GLI2: variants seen among roughly 807,000 people sequenced by gnomAD.
The protein encoded by GLI2 is transcription activator GLI2.
Under a neutral mutation model 78.9 loss-of-function variants are expected in GLI2, and 22 were observed. That is an observed-to-expected ratio of 0.28 (90% CI 0.20 to 0.40). GLI2 has a LOEUF of 0.40. Ranked by LOEUF, GLI2 falls within the 10% of genes least tolerant of loss-of-function variation. The pLI, the probability that GLI2 is intolerant of heterozygous loss-of-function variation, is 1.00. For synonymous variants in GLI2, 974 were observed against 963.7 expected, an observed-to-expected ratio of 1.01 and a Z score of -0.20; for missense variants, 2,097 against 2,213.2, an observed-to-expected ratio of 0.95 and a Z score of 1.05.
At chr2:120,853,880 G>A (rs1373755931) in intron 2 of GLI2, among the ~76,000 whole-genome samples, 3 of 152,098 alleles carry the variant, frequency 2.0e-5, no homozygotes, top group South Asian at 2.1e-4. Context: ...GCATTTGCAC[G>A]GTGGTGGTAG....
intron 2 of GLI2, among the ~76,000 whole-genome samples, chr2:120,810,386 G>A (rs1307776488): frequency 1.3e-5 from 2 of 152,218 alleles, no homozygotes; most frequent in South Asian, 2.1e-4. Flanking sequence ...ACCAGCTTTG[G>A]CATGGTGTGG....
intron 2 of GLI2, among the ~76,000 whole-genome samples, chr2:120,858,109 G>A (rs193043663): frequency 3.3e-5 from 5 of 152,326 alleles, no homozygotes; most frequent in East Asian, 3.9e-4. Context: ...CACCTGCTGA[G>A]TGCTCAGGGG....
intron 1 of GLI2, among the ~76,000 whole-genome samples, chr2:120,784,546 A>G (rs1448299503): frequency 6.6e-6 from 1 of 152,012 alleles, no homozygotes; most frequent in Admixed American, 6.5e-5. Flanking sequence ...GGGCCCAGAT[A>G]AGGAGTTTGA....
chr2:120,895,996 G>A (rs904494933), intron 2 of GLI2, among the ~76,000 whole-genome samples: 1 of 152,180 alleles, frequency 6.6e-6, no homozygotes, highest in African/African-American at 2.4e-5. Context: ...CATTTTATGG[G>A]TGAGGAAACT....
At chr2:120,961,933 A>G (rs1007234996) in intron 5 of GLI2, among the ~76,000 whole-genome samples, 6 of 152,114 alleles carry the variant, frequency 3.9e-5, no homozygotes, top group Non-Finnish European at 8.8e-5. Flanking sequence ...TGAGGATGGC[A>G]TCTGGCACAG....
chr2:120,914,801 C>T (rs1679012053), intron 2 of GLI2, among the ~76,000 whole-genome samples: 1 of 152,228 alleles, frequency 6.6e-6, no homozygotes, highest in Non-Finnish European at 1.5e-5. Flanking sequence ...GGGTCCTGTC[C>T]CTATCCTCAT....
intron 1 of GLI2, among the ~76,000 whole-genome samples, chr2:120,743,090 G>C (rs1682597300): frequency 6.6e-6 from 1 of 152,156 alleles, no homozygotes; most frequent in African/African-American, 2.4e-5. Context: ...GGGGAAAGAA[G>C]ACTTACCAAG....
chr2:120,945,954 T>TTC (rs1173639832), intron 3 of GLI2, among the ~76,000 whole-genome samples: 230 of 33,622 alleles, frequency 6.8e-3, no homozygotes, highest in African/African-American at 0.018. Flanking sequence ...AGGCATAACC[T>TTC]TCTCACACAC....
chr2:120,982,691 G>C (rs1182965097), intron 10 of GLI2, 25 bp from the exon 11 acceptor site: 1 of 1,598,014 alleles, frequency 6.3e-7, no homozygotes, highest in Non-Finnish European at 8.6e-7. Flanking sequence ...GGGGTGCCTT[G>C]ACTGACTGAA....
intron 2 of GLI2, among the ~76,000 whole-genome samples, chr2:120,832,228 G>A (rs1269893105): frequency 1.3e-5 from 2 of 152,206 alleles, no homozygotes; most frequent in Non-Finnish European, 2.9e-5. Context: ...GCTGCCCCTG[G>A]CAAGTGCTGG....
rs72955360 is a variant in GLI2, at chr2:120,912,386, G to A, written c.149-14975G>A. Among the ~76,000 whole-genome samples, 609 of 152,056 alleles carry A rather than the reference G, an allele frequency of 4.0e-3. 6 individuals are homozygous for A. The highest frequency in any genetic ancestry group is 0.014 in the African/African-American group (567 of 41,446). ...TCTGGGCACCGCTCAGGGCTGGAGG[G>A]TTGGGTCATGAGACCACATATTCTG... On this transcript the variant is annotated intron_variant, in intron 2 of 13. Transcript: ENST00000361492.
chr2:120,789,033 C>CTTTTTTTTTTT (rs35017068), intron 1 of GLI2, among the ~76,000 whole-genome samples: 1 of 126,644 alleles, frequency 7.9e-6, no homozygotes, highest in African/African-American at 3.2e-5. Context: ...TTCTTTCTTT[C>CTTTTTTTTTTT]TTTTTTTTTT....
chr2:120,824,323 G>A (rs1199380180), intron 2 of GLI2, among the ~76,000 whole-genome samples: 1 of 152,240 alleles, frequency 6.6e-6, no homozygotes, highest in Non-Finnish European at 1.5e-5. Context: ...TGACTGTTAC[G>A]AGTTTGCCCC....
chr2:120,890,350 G>A (rs997730895), intron 2 of GLI2, among the ~76,000 whole-genome samples: 2 of 152,176 alleles, frequency 1.3e-5, no homozygotes, highest in African/African-American at 2.4e-5. Context: ...GGTGCTCATC[G>A]TGACAGAACT....
Position 120,735,956 on chromosome 2 carries a change from G to T in GLI2, c.-360G>T, listed in dbSNP as rs1341842595. Among the ~76,000 whole-genome samples, 3 of 151,884 alleles carry T rather than the reference G, an allele frequency of 2.0e-5. No individual in the cohort carries two copies. Among genetic ancestry groups the T allele is most frequent in the Non-Finnish European group, 4.4e-5 (3 of 67,934 alleles). On this transcript the variant is annotated 5_prime_UTR_variant, in exon 1 of 14. Coordinates refer to ENST00000361492, the MANE Select transcript of GLI2 (RefSeq NM_001374353.1). The stretch of plus-strand genomic sequence containing the variant: ...TTCAAACTCCCATCAATGAGACTTC[G>T]AGGAGGAGCGGGCGGCGGCGGCGGC...
intron 3 of GLI2, among the ~76,000 whole-genome samples, chr2:120,936,048 T>C (rs2104900260): frequency 6.6e-6 from 1 of 152,280 alleles, no homozygotes; most frequent in East Asian, 1.9e-4. Flanking sequence ...GATGAACTAT[T>C]CGGTTCCTCT....
intron 1 of GLI2, among the ~76,000 whole-genome samples, chr2:120,738,971 C>T (rs1239832587): frequency 6.6e-6 from 1 of 152,100 alleles, no homozygotes; most frequent in Admixed American, 6.5e-5. Context: ...TGCTCTGGTC[C>T]ACTGGTGGAG....
At chr2:120,750,283 G>A (rs1682824568) in intron 1 of GLI2, among the ~76,000 whole-genome samples, 1 of 152,224 alleles carries the variant, frequency 6.6e-6, no homozygotes, top group Non-Finnish European at 1.5e-5. Context: ...GGCAAGTTTG[G>A]GTGCTGCACT....
rs113965320 is a variant in GLI2 at position 120,885,299 on chromosome 2, G to C, written c.149-42062G>C. On this transcript the variant is annotated intron_variant, in intron 2 of 13. Transcript: ENST00000361492. ...TCATTGTCACAGGGCCATGTTGTCAGATGCCTGCTCCAGAGAGTGAAGCTG... is the reference window on the plus strand; with the variant it reads ...TCATTGTCACAGGGCCATGTTGTCACATGCCTGCTCCAGAGAGTGAAGCTG... Among the ~76,000 whole-genome samples the C allele has an allele frequency of 2.9e-3, 439 of 152,324 alleles. 5 individuals carry two copies. Among genetic ancestry groups the C allele is most frequent in the African/African-American group, 9.2e-3 (381 of 41,570 alleles).
Sources: allele counts gnomAD v4.1 joint callset (sites outside exome capture counted in the v4.1 genomes callset), GRCh38; gene constraint gnomAD v4.1.1; transcripts MANE v1.5; gene names NCBI Gene and HGNC (gene_info 2026-07-23, HGNC 2026-07-21).